Variants in THAP8 observed in about 807,000 individuals in gnomAD.
THAP8 encodes THAP domain containing 8, also known as THAP domain-containing protein 8.
THAP8 carries 24 observed loss-of-function variants against 25.0 expected under a neutral mutation model. The ratio of observed to expected loss-of-function variants is 0.96; its 90% CI spans 0.69 to 1.35. THAP8 has a LOEUF of 1.35. THAP8 is among the 40% of genes most tolerant of loss of function. The probability of loss-of-function intolerance (pLI) is 0.00; values close to 1 mark genes in which losing one functional copy is unlikely to be tolerated. For missense variants in THAP8, 399 were observed against 368.8 expected (o/e 1.08, Z -0.67); for synonymous variants, 169 against 157.6 (o/e 1.07, Z -0.54).
intron 1 of THAP8, 70 bp downstream of exon 1, chr19:36,054,065 G>C: frequency 3.9e-6 from 6 of 1,526,352 alleles, no homozygotes; most frequent in Non-Finnish European, 4.5e-6. Context: ...CCGCACAGCA[G>C]CACTAATGCT....
chr19:36,039,999 C>T lies in THAP8; in HGVS notation c.221G>A (p.Arg74His), dbSNP rs772718717. The T allele has an allele frequency of 5.7e-5, 92 of 1,613,574 alleles. No homozygotes were observed. Among genetic ancestry groups the T allele is most frequent in the Non-Finnish European group, 7.1e-5 (84 of 1,179,952 alleles). ...PSCFQWRWGV[R>H]YLRPDAVPSI... is the part of the protein sequence containing the mutation. ...GGGCACTGCATCAGGCCGCAGGTAGCGCACACCCCAGCGCCACTGGAAGCA... is the reference window on the plus strand; with the variant it reads ...GGGCACTGCATCAGGCCGCAGGTAGTGCACACCCCAGCGCCACTGGAAGCA... Residue 74 changes from arginine to histidine, a missense_variant, in exon 2 of 4, where the codon CGC (arginine) becomes CAC (histidine). Physicochemically the swap from Arg to His is conservative, Grantham distance 29 (BLOSUM62 0). Transcript: ENST00000292894.
chr19:36,045,494 C>T (rs983757537), intron 1 of THAP8, among the ~76,000 whole-genome samples: 3 of 152,040 alleles, frequency 2.0e-5, no homozygotes, highest in Non-Finnish European at 4.4e-5. Context: ...GTCTCAAACT[C>T]CTGGGCTCAA....
chr19:36,053,854 G>A (rs1367049896), intron 1 of THAP8, among the ~76,000 whole-genome samples: 5 of 152,136 alleles, frequency 3.3e-5, no homozygotes, highest in African/African-American at 7.2e-5. Context: ...GTGGGCATCT[G>A]CAGGCTCTCT....
Position 36,035,711 on chromosome 19 carries a change from G to A in THAP8, c.673-119C>T, listed in dbSNP as rs1010791809. On this transcript the variant is annotated intron_variant, in intron 3 of 3. Transcript: ENST00000292894. ...GCAGGAGGGCGTGTCAGGAAACAGA[G>A]AGAGATGTGGGGAGAGATATGAGGA... The A allele has an allele frequency of 8.6e-6, 10 of 1,160,950 alleles. No individual in the cohort carries two copies. The South Asian group carries it at 1.2e-4, about 14-fold the overall frequency. 71.9% of individuals were successfully genotyped at this position (1,160,950 alleles called of 1,614,324 possible).
intron 1 of THAP8, among the ~76,000 whole-genome samples, chr19:36,049,163 T>G (rs914543406): frequency 6.6e-6 from 1 of 151,838 alleles, no homozygotes; most frequent in African/African-American, 2.4e-5. Context: ...CCGAGTGTTG[T>G]GGGTTATTGT....
At chr19:36,054,381 G>T (rs1027600967), upstream of THAP8, 1 of 802,510 alleles carries the variant, frequency 1.2e-6, no homozygotes, top group Non-Finnish European at 2.0e-6. Flanking sequence ...TGCCTACTAG[G>T]CGCCCCTCCA....
chr19:36,053,002 T>G (rs1422669742), intron 1 of THAP8, among the ~76,000 whole-genome samples: 1 of 152,116 alleles, frequency 6.6e-6, no homozygotes, highest in Admixed American at 6.5e-5. Context: ...GCAGGAGGAC[T>G]GCTTGTGCCC....
At chr19:36,051,910 A>G (rs867736017) in intron 1 of THAP8, among the ~76,000 whole-genome samples, 1 of 152,208 alleles carries the variant, frequency 6.6e-6, no homozygotes, top group African/African-American at 2.4e-5. Context: ...CACTGCTCGC[A>G]TTACCACCTG....
intron 1 of THAP8, among the ~76,000 whole-genome samples, chr19:36,043,604 C>T (rs376121590): frequency 3.3e-5 from 5 of 152,116 alleles, no homozygotes; most frequent in African/African-American, 9.7e-5. Flanking sequence ...CGGTGGCTCA[C>T]GCCTGTAATC....
At chr19:36,054,292 G>A (rs1970215014), upstream of THAP8, 19 of 1,512,254 alleles carry the variant, frequency 1.3e-5, no homozygotes, top group Middle Eastern at 2.2e-4. Context: ...GCCTAACCCC[G>A]CCCCACCCGC....
chr19:36,054,373 C>G (rs1449633035), upstream of THAP8: 2 of 859,724 alleles, frequency 2.3e-6, no homozygotes, highest in East Asian at 2.7e-5. Context: ...AGAGCGCCTG[C>G]CTACTAGGCG....
chr19:36,048,705 T>A (rs1217760516), intron 1 of THAP8, among the ~76,000 whole-genome samples: 1 of 151,148 alleles, frequency 6.6e-6, no homozygotes, highest in East Asian at 2.0e-4. Flanking sequence ...AAAATTTGCC[T>A]GACAAGGTGG....
Position 36,040,129 on chromosome 19 carries a change from G to T in THAP8, c.91C>A (p.Leu31Met), listed in dbSNP as rs762091517. Reference sequence around the variant, plus strand: ...GCCTGCAGCCGGGGACCATCCTTCAGTGGGAACCTGCATGGGTGGTTGGGG... The same window carrying T: ...GCCTGCAGCCGGGGACCATCCTTCATTGGGAACCTGCATGGGTGGTTGGGG... ...NRPVSFYKFPLKDGPRLQAWL... is the reference protein window; with the variant it reads ...NRPVSFYKFPMKDGPRLQAWL... The change falls in exon 2 of 4, where the codon CTG becomes ATG. Residue 31 changes from leucine (L) to methionine (M), a missense_variant. By Grantham distance (15) the Leu-to-Met change is conservative. Transcript: ENST00000292894. 5 of 1,606,028 alleles carry T rather than the reference G, an allele frequency of 3.1e-6. No homozygotes were observed. Among genetic ancestry groups the T allele is most frequent in the Non-Finnish European group, 3.4e-6 (4 of 1,175,934 alleles).
At position 36,039,653 on chromosome 19, in the gene THAP8, T is replaced by C; in HGVS notation, c.342A>G (p.Thr114=). Residue 114 remains threonine, a synonymous_variant, in exon 3 of 4, where the codon ACA becomes ACG. Transcript: ENST00000292894. ...GGATGGCAGGGCTCTGGGGCAGGGG[T>C]GTATTCTTCTGTAGGGGAGGCGGCG... ...VSPPPPLQKN[T]PLPQSPAIPV... 6.6e-7 allele frequency: 1 copy of C among 1,517,840 alleles called. No individual in the cohort carries two copies. The highest frequency in any genetic ancestry group is 8.8e-7 in the Non-Finnish European group (1 of 1,131,832). The allele number at this position is 1,517,840 out of a possible 1,614,324, so 94.0% of individuals were successfully genotyped here.
rs541443906 is a variant in THAP8, at chr19:36,052,426, C to T, written c.83+1709G>A. ...ACCATTCCCCCAACCCTATCCCATC[C>T]GTGGAAAAACTGTCTTCCACAAAAC... On this transcript the variant is annotated intron_variant, in intron 1 of 3. Transcript: ENST00000292894. Among the ~76,000 whole-genome samples, 75 of 152,308 alleles carry T rather than the reference C, an allele frequency of 4.9e-4. 1 individual carries two copies. Among genetic ancestry groups the T allele is most frequent in the Non-Finnish European group, 1.6e-4 (11 of 68,016 alleles).
At chr19:36,043,871 GAGCA>G (rs766805779) in intron 1 of THAP8, among the ~76,000 whole-genome samples, 23 of 152,256 alleles carry the variant, frequency 1.5e-4, no homozygotes, top group Non-Finnish European at 2.8e-4. Flanking sequence ...CTGGGCGACA[GAGCA>G]AGACTCCATC....
Position 36,035,579 on chromosome 19 carries a change from G to A in THAP8, c.686C>T (p.Thr229Ile). ...GGTTTGGGATTCCTCAGGTCCAAGG[G>A]TCTGGGCTGTTGTCTAAGGCAAAGA... ...RGLQRLTTAQ[T>I]LGPEESQTFT... Residue 229 changes from threonine to isoleucine, a missense_variant, in exon 4 of 4, where the codon ACC becomes ATC. By Grantham distance (89) the Thr-to-Ile change is moderately conservative. Coordinates refer to ENST00000292894, the MANE Select transcript of THAP8 (RefSeq NM_152658.3). The A allele has an allele frequency of 6.2e-7, 1 of 1,613,974 alleles. No individual in the cohort carries two copies. Among genetic ancestry groups the A allele is most frequent in the Non-Finnish European group, 8.5e-7 (1 of 1,179,916 alleles).
rs1599733824 is a variant in THAP8 at position 36,054,248 on chromosome 19, GTCAGC to G, written c.-36_-32del. ...TCCAGCCCCCGCTGAGTTTTGCCGG[GTCAGC>G]GGCTGCACTTTGGTTCTCGCGGAGC... On this transcript the variant is annotated 5_prime_UTR_variant, in exon 1 of 4. Transcript: ENST00000292894. 3 of 1,605,534 alleles carry G rather than the reference GTCAGC, an allele frequency of 1.9e-6. No individual in the cohort carries two copies. The highest frequency in any genetic ancestry group is 2.6e-6 in the Non-Finnish European group (3 of 1,175,962).
chr19:36,038,313 G>C (rs1969551048), intron 3 of THAP8, among the ~76,000 whole-genome samples: 1 of 152,058 alleles, frequency 6.6e-6, no homozygotes, highest in Non-Finnish European at 1.5e-5. Flanking sequence ...CCGGGCTAGA[G>C]TGCAGTGGTG....
Sources: allele counts gnomAD v4.1 joint callset (sites outside exome capture counted in the v4.1 genomes callset), GRCh38; gene constraint gnomAD v4.1.1; transcripts MANE v1.5; gene names NCBI Gene and HGNC (gene_info 2026-07-23, HGNC 2026-07-21).